The following MEIS3 variants were observed in gnomAD, a reference collection of about 807,000 sequenced individuals.
MEIS3 encodes homeobox protein Meis3.
MEIS3 carries 38 observed loss-of-function variants against 51.4 expected under a neutral mutation model. The observed-to-expected ratio is 0.74, with a 90% CI of 0.57 to 0.97. The LOEUF (loss-of-function observed/expected upper bound fraction) is 0.97, where lower values mean the gene tolerates loss of function less well. Among genes scored for constraint, MEIS3 ranks in the 50% least tolerant of loss-of-function variants. The probability of loss-of-function intolerance (pLI) is 0.00; values close to 1 mark genes in which losing one functional copy is unlikely to be tolerated. For missense variants in MEIS3, 456 were observed against 502.6 expected (o/e 0.91, Z 0.89); for synonymous variants, 198 against 201.8 (o/e 0.98, Z 0.16).
In MEIS3 at chr19:47,407,386, C is replaced by T. The variant is rs140216998; in HGVS notation, c.901G>A (p.Asp301Asn). The change falls in exon 9 of 13, where the codon GAC (aspartate) becomes AAC (asparagine). Residue 301 changes from aspartate (D) to asparagine (N), a missense_variant. Coordinates refer to ENST00000558555, the MANE Select transcript of MEIS3 (RefSeq NM_001301059.2). ...ACTTGCAGGATGGTGAGCCCCGTGTCCTGCGCCAGCTGTTTCTTCTGCTCC... is the reference window on the plus strand; with the variant it reads ...ACTTGCAGGATGGTGAGCCCCGTGTTCTGCGCCAGCTGTTTCTTCTGCTCC... ...SEEQKKQLAQ[D>N]TGLTILQVNN... 5.2e-4 allele frequency: 842 copies of T among 1,613,678 alleles called. No homozygotes were observed. Among genetic ancestry groups the T allele is most frequent in the Non-Finnish European group, 6.5e-4 (768 of 1,179,866 alleles).
At chr19:47,413,766 C>T (rs1409940235) in intron 6 of MEIS3, among the ~76,000 whole-genome samples, 7 of 148,044 alleles carry the variant, frequency 4.7e-5, no homozygotes, top group African/African-American at 1.2e-4. Flanking sequence ...CTTGCTCTGT[C>T]GCCCAGGCTG....
At chr19:47,414,131 G>A (rs926892864) in intron 6 of MEIS3, among the ~76,000 whole-genome samples, 6 of 152,088 alleles carry the variant, frequency 3.9e-5, no homozygotes, top group Admixed American at 6.6e-5. Flanking sequence ...TGGTGTGTGC[G>A]TGTGATCTCG....
upstream of MEIS3, among the ~76,000 whole-genome samples, chr19:47,421,021 G>C (rs73065366): frequency 6.7e-6 from 1 of 150,130 alleles, no homozygotes; most frequent in Non-Finnish European, 1.5e-5. Context: ...CTGTTCCCAG[G>C]GGGAGGGAGC....
intron 6 of MEIS3, among the ~76,000 whole-genome samples, chr19:47,410,044 C>T (rs576803562): frequency 3.3e-5 from 5 of 152,180 alleles, no homozygotes; most frequent in South Asian, 2.1e-4. Flanking sequence ...CGGTGGCTCA[C>T]GCCTGTAATG....
Position 47,404,423 on chromosome 19 carries a change from C to T in MEIS3, c.*18-870G>A, listed in dbSNP as rs367987163. Among the ~76,000 whole-genome samples the T allele has an allele frequency of 2.0e-5, 3 of 152,172 alleles. No homozygotes were observed. The East Asian group carries it at 5.8e-4, about 29-fold the overall frequency. On this transcript the variant is annotated intron_variant, in intron 12 of 12. Coordinates refer to ENST00000558555, the MANE Select transcript of MEIS3 (RefSeq NM_001301059.2). Reference sequence around the variant, plus strand: ...TGCATAAGCCCTGTGCAGGCCTCCACTCTCATCCCCAGGGCTTTTCTGCTG... The same window carrying T: ...TGCATAAGCCCTGTGCAGGCCTCCATTCTCATCCCCAGGGCTTTTCTGCTG...
intron 6 of MEIS3, among the ~76,000 whole-genome samples, chr19:47,410,426 C>T (rs1199218249): frequency 1.5e-5 from 2 of 131,372 alleles, no homozygotes; most frequent in South Asian, 2.4e-4. Flanking sequence ...CCAGCCTGGC[C>T]GGGGTGACAA....
In MEIS3 at chr19:47,409,541, T is replaced by C. The variant is rs1475684874; in HGVS notation, c.604A>G (p.Met202Val). The C allele has an allele frequency of 2.5e-6, 4 of 1,612,478 alleles. No individual in the cohort carries two copies. In the Admixed American group the frequency reaches 6.7e-5, roughly 27 times the overall value. ...SCPSLPDQNN[M>V]WIRDHEDSGS... ...CTATCCTCATGGTCTCGAATCCACA[T>C]ATTATTCTAGAAAACAAGAGTTAGA... Residue 202 changes from methionine (M) to valine (V), a missense_variant, in exon 7 of 13, where the codon ATG (methionine) becomes GTG (valine). Coordinates refer to ENST00000558555, the MANE Select transcript of MEIS3 (RefSeq NM_001301059.2).
intron 12 of MEIS3, among the ~76,000 whole-genome samples, chr19:47,404,422 ACT>A (rs1042758301): frequency 2.6e-5 from 4 of 151,568 alleles, no homozygotes; most frequent in South Asian, 2.1e-4. Flanking sequence ...GCAGGCCTCC[ACT>A]CTCATCCCCA....
upstream of MEIS3, among the ~76,000 whole-genome samples, chr19:47,420,846 T>C (rs1568434017): frequency 6.6e-6 from 1 of 151,452 alleles, no homozygotes; most frequent in Non-Finnish European, 1.5e-5. Flanking sequence ...TCCTCCAGTC[T>C]TTCCCTCTGT....
Position 47,409,575 on chromosome 19 carries a change from C to A in MEIS3, c.598-28G>T, listed in dbSNP as rs1971024855. 1.9e-6 allele frequency: 3 copies of A among 1,576,004 alleles called. No homozygotes were observed. In the African/African-American group the frequency reaches 4.0e-5, roughly 21 times the overall value. ...AGAAAACAAGAGTTAGAAGTTAGTG[C>A]CAAGGCGGCCGGGCGCAGTGGCTCA... On this transcript the variant is annotated intron_variant, in intron 6 of 12. Transcript: ENST00000558555.
In MEIS3 at chr19:47,417,321, G is replaced by C. The variant is rs762622820; in HGVS notation, c.42C>G (p.Ile14Met). ...TAGCCAGGGCTGCGGGGCCATCCACGATGCCTGGGTAGTGCGGCAGCTCAT... is the reference window on the plus strand; with the variant it reads ...TAGCCAGGGCTGCGGGGCCATCCACCATGCCTGGGTAGTGCGGCAGCTCAT... Reference protein sequence around the residue: ...RYDELPHYPGIVDGPAALASF... With the variant: ...RYDELPHYPGMVDGPAALASF... Residue 14 changes from isoleucine to methionine, a missense_variant, in exon 2 of 13, where the codon ATC (isoleucine) becomes ATG (methionine). Physicochemically the swap from Ile to Met is conservative, Grantham distance 10. Coordinates refer to ENST00000558555, the MANE Select transcript of MEIS3 (RefSeq NM_001301059.2). 6.2e-7 allele frequency: 1 copy of C among 1,613,618 alleles called. No individual in the cohort carries two copies. The highest frequency in any genetic ancestry group is 1.3e-5 in the African/African-American group (1 of 74,934).
At chr19:47,407,044 AC>A in intron 10 of MEIS3, 34 bp downstream of exon 10, 1 of 1,596,962 alleles carries the variant, frequency 6.3e-7, no homozygotes. Flanking sequence ...CCTCCTAAGA[AC>A]CCCAGGCTCT....
chr19:47,404,937 G>A (rs1055273280), intron 12 of MEIS3, among the ~76,000 whole-genome samples: 1 of 152,222 alleles, frequency 6.6e-6, no homozygotes, highest in Non-Finnish European at 1.5e-5. Flanking sequence ...GGGCACAGAG[G>A]GGCTCAGGGG....
chr19:47,419,986 G>A (rs2122584560), upstream of MEIS3, among the ~76,000 whole-genome samples: 1 of 152,272 alleles, frequency 6.6e-6, no homozygotes, highest in Non-Finnish European at 1.5e-5. Flanking sequence ...GCTGGGGGCG[G>A]CGGGGGTGGG....
At chr19:47,406,620 C>A (rs967952154) in intron 11 of MEIS3, 94 bp from the exon 12 acceptor site, 2 of 1,249,606 alleles carry the variant, frequency 1.6e-6, no homozygotes. Flanking sequence ...ACCAGGGGAT[C>A]CCTCTACCAG....
chr19:47,421,057 A>AG (rs1014821000), upstream of MEIS3, among the ~76,000 whole-genome samples: 2 of 149,972 alleles, frequency 1.3e-5, no homozygotes, highest in African/African-American at 5.0e-5. Flanking sequence ...CTGGTGCTGG[A>AG]GCGGGGGTGC....
chr19:47,411,541 T>TC (rs1409641535), intron 6 of MEIS3, among the ~76,000 whole-genome samples: 164 of 146,468 alleles, frequency 1.1e-3, no homozygotes, highest in African/African-American at 3.9e-3. Context: ...CTTTTTCTTT[T>TC]CTTTTTTTTT....
intron 1 of MEIS3, chr19:47,417,987 T>TTA: frequency 2.2e-6 from 1 of 456,912 alleles, no homozygotes; most frequent in Non-Finnish European, 3.9e-6. Flanking sequence ...AATGCATGAT[T>TTA]GAGACATTTG....
intron 6 of MEIS3, 36 bp downstream of exon 6, chr19:47,414,681 C>A: frequency 6.4e-7 from 1 of 1,555,174 alleles, no homozygotes; most frequent in Non-Finnish European, 8.7e-7. Flanking sequence ...ACAGCTGTGG[C>A]TGCAGGACGA....
Sources: gnomAD v4.1 joint callset for allele counts (sites outside exome capture counted in the v4.1 genomes callset) on GRCh38, gnomAD v4.1.1 for gene constraint, MANE v1.5 for transcripts, NCBI Gene and HGNC (gene_info 2026-07-23, HGNC 2026-07-21) for gene names.